The following DRICH1 variants were observed in gnomAD, a reference collection of about 807,000 sequenced individuals.
DRICH1 encodes the protein aspartate-rich protein 1.
In DRICH1, 38 loss-of-function variants were observed where a neutral mutation model predicts 39.5. That is an observed-to-expected ratio of 0.96 (90% CI 0.74 to 1.26). The LOEUF is 1.26. Among genes scored for constraint, DRICH1 ranks in the 50% most tolerant of loss-of-function variants. The pLI is 0.00. For synonymous variants in DRICH1, 84 were observed against 99.5 expected (o/e 0.84, Z 0.93); for missense variants, 279 against 270.4 (o/e 1.03, Z -0.22).
At chr22:23,614,072 T>C (rs995987999) in intron 9 of DRICH1, 63 bp downstream of exon 9, 7 of 1,100,838 alleles carry the variant, frequency 6.4e-6, no homozygotes, top group South Asian at 1.3e-5. Context: ...TCAAAATTAA[T>C]TGAGAAATAA....
At position 23,609,974 on chromosome 22, in the gene DRICH1, C is replaced by T. The variant is rs1056259943; in HGVS notation, c.686-1206G>A. Among the ~76,000 whole-genome samples, 14 of 152,150 alleles carry T rather than the reference C, an allele frequency of 9.2e-5. 1 individual carries two copies. Among genetic ancestry groups the T allele is most frequent in the African/African-American group, 3.4e-4 (14 of 41,420 alleles). On this transcript the variant is annotated intron_variant, in intron 11 of 11. Coordinates refer to ENST00000317749, the MANE Select transcript of DRICH1 (RefSeq NM_016449.4). ...GTGGGGCTGCTTTCCTCCCTCCCTGCCCCTCATGCCTTCACTGGAGTGGGA... is the reference window on the plus strand; with the variant it reads ...GTGGGGCTGCTTTCCTCCCTCCCTGTCCCTCATGCCTTCACTGGAGTGGGA...
chr22:23,591,458 C>T, the DRICH1 span, among the ~76,000 whole-genome samples: 1 of 152,162 alleles, frequency 6.6e-6, no homozygotes, highest in Non-Finnish European at 1.5e-5. Context: ...AGGAAATGGT[C>T]TCCTGCCAGC....
the DRICH1 span, among the ~76,000 whole-genome samples, chr22:23,600,662 C>T: frequency 3.9e-5 from 5 of 127,750 alleles, no homozygotes; most frequent in South Asian, 2.8e-4. Flanking sequence ...AAAAACGATT[C>T]GGCAATTTTT....
rs114767559 is a variant in DRICH1 at position 23,609,208 on chromosome 22, G to A, written c.686-440C>T. On this transcript the variant is annotated intron_variant, in intron 11 of 11. Coordinates refer to ENST00000317749, the MANE Select transcript of DRICH1 (RefSeq NM_016449.4). ...GTGGCTATAAGCCCACACTATGGAG[G>A]GAGGCTGCTGTGTTGAGACCCCCAG... Among the ~76,000 whole-genome samples the A allele has an allele frequency of 4.4e-3, 599 of 135,702 alleles. 5 individuals are homozygous for A. Among genetic ancestry groups the A allele is most frequent in the African/African-American group, 0.016 (566 of 36,332 alleles). 89.0% of individuals were successfully genotyped at this position (135,702 alleles called of 152,430 possible). A position where few individuals can be genotyped will look rare whatever the true frequency, so the allele number is the denominator to read the frequency against.
Position 23,622,087 on chromosome 22 carries a change from T to A in DRICH1, c.384+4A>T. The A allele has an allele frequency of 6.2e-7, 1 of 1,609,524 alleles. No individual in the cohort carries two copies. The highest frequency in any genetic ancestry group is 8.5e-7 in the Non-Finnish European group (1 of 1,177,704). On this transcript the variant is annotated splice_donor_region_variant and intron_variant, in intron 4 of 11. Coordinates refer to ENST00000317749, the MANE Select transcript of DRICH1 (RefSeq NM_016449.4). Reference sequence around the variant, plus strand: ...CCTTAGAAGACAAAGAAAGATTGTCTTACCTGGGCATCATCATCATCATCA... The same window carrying A: ...CCTTAGAAGACAAAGAAAGATTGTCATACCTGGGCATCATCATCATCATCA...
chr22:23,613,451 G>T, intron 10 of DRICH1, 121 bp from the exon 11 acceptor site: 2 of 958,692 alleles, frequency 2.1e-6, no homozygotes, highest in Non-Finnish European at 3.4e-6. Flanking sequence ...CTTCATACAT[G>T]ATCCCCTAAT....
intron 1 of DRICH1, among the ~76,000 whole-genome samples, chr22:23,627,611 A>G (rs973049617): frequency 1.4e-4 from 21 of 152,176 alleles, no homozygotes; most frequent in South Asian, 2.1e-4. Context: ...CAACAATGAG[A>G]ACAACATCCA....
chr22:23,586,498 C>T, the DRICH1 span, among the ~76,000 whole-genome samples: 6 of 152,106 alleles, frequency 3.9e-5, no homozygotes, highest in East Asian at 1.2e-3. Context: ...CAAAAGAAAA[C>T]CAAAAAACAC....
chr22:23,624,200 C>T, intron 3 of DRICH1: 1 of 985,420 alleles, frequency 1.0e-6, no homozygotes, highest in Non-Finnish European at 1.2e-6. Context: ...ATCTGGCACA[C>T]CGCAGAAGAA....
chr22:23,612,466 CAAAAAAAAAAAAAAAGA>C (rs1927092884), intron 11 of DRICH1, among the ~76,000 whole-genome samples: 1 of 24,856 alleles, frequency 4.0e-5, no homozygotes, highest in Non-Finnish European at 9.5e-5. Flanking sequence ...GACTCCATCT[CAAAAAAAAAAAAAAAGA>C]AAAAAAAAAG....
the DRICH1 span, among the ~76,000 whole-genome samples, chr22:23,601,446 A>C: frequency 6.6e-6 from 1 of 152,220 alleles, no homozygotes; most frequent in African/African-American, 2.4e-5. Flanking sequence ...AGTGGGAGAA[A>C]GCCAGTCCCC....
At chr22:23,628,979 C>A (rs760986096) in intron 1 of DRICH1, among the ~76,000 whole-genome samples, 7 of 152,350 alleles carry the variant, frequency 4.6e-5, no homozygotes, top group Non-Finnish European at 8.8e-5. Flanking sequence ...GAAGGGGTCT[C>A]AGATATATGA....
intron 2 of DRICH1, 65 bp downstream of exon 2, chr22:23,625,916 G>T: frequency 1.5e-6 from 2 of 1,303,752 alleles, no homozygotes; most frequent in Non-Finnish European, 2.2e-6. Flanking sequence ...GGTTTAGATG[G>T]GTGAATTTGT....
chr22:23,622,265 T>G (rs1927790528), intron 3 of DRICH1, 89 bp from the exon 4 acceptor site: 1 of 1,177,728 alleles, frequency 8.5e-7, no homozygotes, highest in Non-Finnish European at 1.3e-6. Flanking sequence ...TGTATGGAGG[T>G]GGTTGATTAA....
chr22:23,591,532 C>A, the DRICH1 span, among the ~76,000 whole-genome samples: 1 of 152,108 alleles, frequency 6.6e-6, no homozygotes, highest in Admixed American at 6.5e-5. Flanking sequence ...CTACTCCAAG[C>A]GCTTCCCACT....
At position 23,624,788 on chromosome 22, in the gene DRICH1, C is replaced by T. The variant is rs1225437050; in HGVS notation, c.298+95G>A. The T allele has an allele frequency of 3.5e-6, 5 of 1,411,604 alleles. No homozygotes were observed. The East Asian group carries it at 6.9e-5, about 19-fold the overall frequency. The allele number at this position is 1,411,604 out of a possible 1,614,324, so 87.4% of individuals were successfully genotyped here. Reference sequence around the variant, plus strand: ...CAGAATCATTTGCTCTCACCAGACCCCCAATATTTTTTAACAGGAATCCAG... The same window carrying T: ...CAGAATCATTTGCTCTCACCAGACCTCCAATATTTTTTAACAGGAATCCAG... On this transcript the variant is annotated intron_variant, in intron 3 of 11. Coordinates refer to ENST00000317749, the MANE Select transcript of DRICH1 (RefSeq NM_016449.4).
chr22:23,604,492 A>G (rs1186886096), downstream of DRICH1, among the ~76,000 whole-genome samples: 2 of 152,162 alleles, frequency 1.3e-5, no homozygotes, highest in Non-Finnish European at 2.9e-5. Context: ...CTGGGACCTC[A>G]GCCCTGGCAC....
intron 8 of DRICH1, among the ~76,000 whole-genome samples, chr22:23,615,813 GTTTCAC>G: frequency 6.6e-6 from 1 of 152,348 alleles, no homozygotes; most frequent in East Asian, 1.9e-4. Flanking sequence ...GCACTCATAA[GTTTCAC>G]AGATATAGAG....
At position 23,617,703 on chromosome 22, in the gene DRICH1, T is replaced by C. The variant is rs764463759; in HGVS notation, c.437-46A>G. Reference sequence around the variant, plus strand: ...GATCCGTGCCCTGGTTGTTTGTGACTGTGAGTCACTCAGGGAGCTTTGCTG... The same window carrying C: ...GATCCGTGCCCTGGTTGTTTGTGACCGTGAGTCACTCAGGGAGCTTTGCTG... On this transcript the variant is annotated intron_variant, in intron 6 of 11. Transcript: ENST00000317749. 9 of 1,584,438 alleles carry C rather than the reference T, an allele frequency of 5.7e-6. No homozygotes were observed. The East Asian group carries it at 8.9e-5, about 16-fold the overall frequency.
Sources: allele counts gnomAD v4.1 joint callset (sites outside exome capture counted in the v4.1 genomes callset), GRCh38; gene constraint gnomAD v4.1.1; transcripts MANE v1.5; gene names NCBI Gene and HGNC (gene_info 2026-07-23, HGNC 2026-07-21).